The following ZFPM2 variants were observed in gnomAD, a reference collection of about 807,000 sequenced individuals.
The protein encoded by ZFPM2 is zinc finger protein, FOG family member 2, also known as zinc finger protein ZFPM2.
ZFPM2 carries 20 observed loss-of-function variants against 98.6 expected under a neutral mutation model. That is an observed-to-expected ratio of 0.20 (90% CI 0.14 to 0.29). ZFPM2 has a LOEUF of 0.29. ZFPM2 is among the 10% of genes least tolerant of loss of function. The pLI, the probability that ZFPM2 is intolerant of heterozygous loss-of-function variation, is 1.00. For synonymous variants in ZFPM2, 518 were observed against 502.7 expected (o/e 1.03, Z -0.41); for missense variants, 1,310 against 1,388.6 (o/e 0.94, Z 0.90).
chr8:105,663,524 A>T (rs903660417), intron 5 of ZFPM2, among the ~76,000 whole-genome samples: 1 of 152,214 alleles, frequency 6.6e-6, no homozygotes, highest in East Asian at 1.9e-4. Context: ...TATGGGGCTT[A>T]CAGTTCAGGA....
chr8:105,691,266 G>C (rs1810874175), intron 5 of ZFPM2, among the ~76,000 whole-genome samples: 2 of 58,664 alleles, frequency 3.4e-5, no homozygotes, highest in Non-Finnish European at 3.0e-5. Flanking sequence ...TTTTGAGACG[G>C]AGTCTCGCTC....
At chr8:105,621,871 T>G (rs1816558357) in intron 4 of ZFPM2, among the ~76,000 whole-genome samples, 1 of 152,130 alleles carries the variant, frequency 6.6e-6, no homozygotes, top group African/African-American at 2.4e-5. Flanking sequence ...TATTATACTT[T>G]AAGTTCTAGG....
intron 5 of ZFPM2, among the ~76,000 whole-genome samples, chr8:105,651,224 A>G (rs765776115): frequency 6.6e-6 from 1 of 152,000 alleles, no homozygotes; most frequent in Non-Finnish European, 1.5e-5. Flanking sequence ...ATATTTTGTA[A>G]CTACTCAGTG....
intron 5 of ZFPM2, among the ~76,000 whole-genome samples, chr8:105,711,566 A>G (rs1811399287): frequency 6.6e-6 from 1 of 152,012 alleles, no homozygotes; most frequent in South Asian, 2.1e-4. Context: ...TAATTTATAT[A>G]TGTGTTTATT....
intron 3 of ZFPM2, among the ~76,000 whole-genome samples, chr8:105,561,097 A>G (rs1375475384): frequency 6.6e-6 from 1 of 152,168 alleles, no homozygotes; most frequent in Non-Finnish European, 1.5e-5. Context: ...CTGGTTCTTA[A>G]AGACTTAACT....
At chr8:105,616,183 G>T (rs1230449326) in intron 4 of ZFPM2, among the ~76,000 whole-genome samples, 1 of 151,858 alleles carries the variant, frequency 6.6e-6, no homozygotes, top group Admixed American at 6.6e-5. Flanking sequence ...ATTCCCAAAT[G>T]CCCTACAAGC....
chr8:105,394,317 G>A (rs1157160277), intron 1 of ZFPM2, among the ~76,000 whole-genome samples: 1 of 152,158 alleles, frequency 6.6e-6, no homozygotes, highest in Non-Finnish European at 1.5e-5. Context: ...TTAGGGAAGG[G>A]TGTTTTATAT....
At chr8:105,399,882 C>T (rs1811300293) in intron 1 of ZFPM2, among the ~76,000 whole-genome samples, 1 of 152,102 alleles carries the variant, frequency 6.6e-6, no homozygotes, top group African/African-American at 2.4e-5. Context: ...TCTCTTGCCT[C>T]AGCCTCCCGA....
chr8:105,379,926 A>C (rs1206132998), intron 1 of ZFPM2, among the ~76,000 whole-genome samples: 2 of 152,126 alleles, frequency 1.3e-5, no homozygotes, highest in Admixed American at 1.3e-4. Context: ...AGGGCAGAAA[A>C]TACACTGAGG....
At chr8:105,499,542 T>G (rs1813545742) in intron 3 of ZFPM2, among the ~76,000 whole-genome samples, 2 of 152,140 alleles carry the variant, frequency 1.3e-5, no homozygotes, top group Admixed American at 1.3e-4. Flanking sequence ...TATCTGAACG[T>G]GAAGGAGGAA....
intron 3 of ZFPM2, among the ~76,000 whole-genome samples, chr8:105,490,521 C>T (rs1226825010): frequency 6.6e-6 from 1 of 152,156 alleles, no homozygotes; most frequent in Non-Finnish European, 1.5e-5. Flanking sequence ...TTGCCTAAAA[C>T]TTCAAAGGTA....
chr8:105,321,698 C>A (rs1376001381), intron 1 of ZFPM2, among the ~76,000 whole-genome samples: 1 of 152,010 alleles, frequency 6.6e-6, no homozygotes, highest in South Asian at 2.1e-4. Context: ...TGGGTGCTCT[C>A]CGGGCAGCGA....
chr8:105,703,205 T>C (rs1464644683), intron 5 of ZFPM2, among the ~76,000 whole-genome samples: 1 of 152,162 alleles, frequency 6.6e-6, no homozygotes, highest in Admixed American at 6.5e-5. Context: ...TTAATAGTAT[T>C]ATTTATTAAT....
At chr8:105,391,057 C>A (rs568335507) in intron 1 of ZFPM2, among the ~76,000 whole-genome samples, 1 of 152,258 alleles carries the variant, frequency 6.6e-6, no homozygotes, top group South Asian at 2.1e-4. Context: ...GCTCACATTG[C>A]AGACATACCT....
chr8:105,643,860 C>A (rs1816991452), intron 5 of ZFPM2, among the ~76,000 whole-genome samples: 1 of 152,124 alleles, frequency 6.6e-6, no homozygotes, highest in Admixed American at 6.6e-5. Flanking sequence ...CACAATTGGA[C>A]TGATTACAAG....
At chr8:105,575,911 T>C (rs1815455694) in intron 4 of ZFPM2, among the ~76,000 whole-genome samples, 1 of 152,222 alleles carries the variant, frequency 6.6e-6, no homozygotes, top group Non-Finnish European at 1.5e-5. Context: ...TTAAGCTGTT[T>C]TGGAGCCTAA....
rs61552974 is a variant in ZFPM2 at position 105,517,707 on chromosome 8, C to CACCACACA, written c.302-43656_302-43655insACCACACA. Among the ~76,000 whole-genome samples, 743 of 124,972 alleles carry CACCACACA rather than the reference C, an allele frequency of 5.9e-3. 10 individuals carry two copies. Among genetic ancestry groups the CACCACACA allele is most frequent in the African/African-American group, 0.022 (678 of 30,186 alleles). The allele number at this position is 124,972 out of a possible 152,430, so 82.0% of individuals were successfully genotyped here. On this transcript the variant is annotated intron_variant, in intron 3 of 7. Coordinates refer to ENST00000407775, the MANE Select transcript of ZFPM2 (RefSeq NM_012082.4). ...CACACACACACCACACACACACACA[C>CACCACACA]CACACACACACACACACACACACAC...
chr8:105,558,151 CTT>C (rs1815042691), intron 3 of ZFPM2, among the ~76,000 whole-genome samples: 1 of 152,158 alleles, frequency 6.6e-6, no homozygotes, highest in African/African-American at 2.4e-5. Context: ...ATATCATACT[CTT>C]AAGCAATATG....
chr8:105,506,996 A>AC (rs1294510909), intron 3 of ZFPM2, among the ~76,000 whole-genome samples: 1 of 151,948 alleles, frequency 6.6e-6, no homozygotes, highest in African/African-American at 2.4e-5. Context: ...TCCAAAAAAA[A>AC]AAAAAAAACA....
Sources: allele counts gnomAD v4.1 joint callset (sites outside exome capture counted in the v4.1 genomes callset), GRCh38; gene constraint gnomAD v4.1.1; transcripts MANE v1.5; gene names NCBI Gene and HGNC (gene_info 2026-07-23, HGNC 2026-07-21).